RPA3: variants seen among roughly 807,000 people sequenced by gnomAD.
The protein encoded by RPA3 is replication protein A3.
A neutral mutation model predicts 13.7 loss-of-function variants in RPA3; 24 were observed. That is an observed-to-expected ratio of 1.75 (90% confidence interval 1.27 to 2.46). The LOEUF (loss-of-function observed/expected upper bound fraction) is 2.46. Ranked by LOEUF, RPA3 falls within the 30% of genes most tolerant of loss-of-function variation. RPA3 has a pLI of 0.00. For synonymous variants in RPA3, 59 were observed against 51.2 expected (o/e 1.15, Z -0.65); for missense variants, 183 against 151.0 (o/e 1.21, Z -1.11).
intron 4 of RPA3, among the ~76,000 whole-genome samples, chr7:7,680,164 C>T (rs549693149): frequency 3.8e-4 from 58 of 152,134 alleles, no homozygotes; most frequent in Middle Eastern, 3.4e-3. Context: ...CTAGTAGTTT[C>T]GTAGTTTCAG....
intron 4 of RPA3, among the ~76,000 whole-genome samples, chr7:7,683,643 C>A (rs761253217): frequency 6.7e-6 from 1 of 150,006 alleles, no homozygotes; most frequent in Non-Finnish European, 1.5e-5. Flanking sequence ...TTTTTTTAGA[C>A]GGAGTTTTTG....
At chr7:7,697,173 A>G (rs115853500) in intron 2 of RPA3, among the ~76,000 whole-genome samples, 1,558 of 152,272 alleles carry the variant, frequency 0.01, 26 homozygotes, top group African/African-American at 0.035. Flanking sequence ...ATCATAATCC[A>G]CTTCTTGATG....
At position 7,644,064 on chromosome 7, in the gene RPA3, A is replaced by C. The variant is rs564101399; in HGVS notation, c.-757-2889T>G. ...GGTACCAGTTTACTCTCTTACCTGG[A>C]GTATAAGACAGTTTACAGTTATTGT... On this transcript the variant is annotated intron_variant, in intron 4 of 7. Transcript: ENST00000223129. Among the ~76,000 whole-genome samples, 9 of 152,248 alleles carry C rather than the reference A, an allele frequency of 5.9e-5. No homozygotes were observed. The South Asian group carries it at 8.3e-4, about 14-fold the overall frequency.
At chr7:7,692,151 A>G (rs909537474) in intron 2 of RPA3, among the ~76,000 whole-genome samples, 1 of 152,098 alleles carries the variant, frequency 6.6e-6, no homozygotes, top group African/African-American at 2.4e-5. Flanking sequence ...TCTCGCACAC[A>G]TATCACCATC....
intron 4 of RPA3, among the ~76,000 whole-genome samples, chr7:7,669,783 G>A (rs139595734): frequency 1.3e-5 from 2 of 152,098 alleles, no homozygotes; most frequent in Non-Finnish European, 2.9e-5. Context: ...TAATAATTTC[G>A]GAACTGTCTG....
chr7:7,717,060 C>CTTTTTTTTTTTTTTTTTTTTTTT (rs766644906), intron 1 of RPA3, among the ~76,000 whole-genome samples: 1 of 141,604 alleles, frequency 7.1e-6, no homozygotes, highest in African/African-American at 2.6e-5. Context: ...TTCTTTTTTT[C>CTTTTTTTTTTTTTTTTTTTTTTT]TTTTTTTTTT....
At chr7:7,647,018 A>G (rs771785283) in intron 4 of RPA3, among the ~76,000 whole-genome samples, 10 of 152,188 alleles carry the variant, frequency 6.6e-5, no homozygotes, top group Admixed American at 1.3e-4. Flanking sequence ...TATCAGTTAC[A>G]CTAGTTTTGT....
intron 4 of RPA3, among the ~76,000 whole-genome samples, chr7:7,658,480 A>G (rs377284987): frequency 1.3e-5 from 2 of 152,142 alleles, no homozygotes; most frequent in African/African-American, 4.8e-5. Flanking sequence ...TTTGAGATAC[A>G]TTCCATCAAT....
In RPA3 at chr7:7,640,802, G is replaced by C. The variant is rs1306853279; in HGVS notation, c.-384C>G. 9.6e-6 allele frequency: 2 copies of C among 207,322 alleles called. No homozygotes were observed. The highest frequency in any genetic ancestry group is 2.3e-5 in the African/African-American group (1 of 42,668). 12.8% of individuals were successfully genotyped at this position (207,322 alleles called of 1,614,324 possible). On this transcript the variant is annotated 5_prime_UTR_variant, in exon 5 of 8. Coordinates refer to ENST00000223129, the MANE Select transcript of RPA3 (RefSeq NM_002947.5). Reference sequence around the variant, plus strand: ...AAGCTCCGGTGCTGGTGCGGCGGGGGACTGCGGGGCCAGCCTCAGGTACCT... The same window carrying C: ...AAGCTCCGGTGCTGGTGCGGCGGGGCACTGCGGGGCCAGCCTCAGGTACCT...
intron 2 of RPA3, among the ~76,000 whole-genome samples, chr7:7,710,072 C>G (rs574875695): frequency 6.6e-6 from 1 of 152,294 alleles, no homozygotes; most frequent in Non-Finnish European, 1.5e-5. Flanking sequence ...CAATTTGCCT[C>G]TCTCACTCAG....
intron 4 of RPA3, among the ~76,000 whole-genome samples, chr7:7,656,244 T>C (rs946965390): frequency 2.6e-5 from 4 of 151,984 alleles, no homozygotes; most frequent in Non-Finnish European, 4.4e-5. Flanking sequence ...GAAATACGAG[T>C]TGAAGGAGAA....
rs959722487 is a variant in RPA3 at position 7,673,513 on chromosome 7, T to C, written c.-758+12317A>G. ...ATTATGTTCTCTTTAAAAAATTACT[T>C]GAAAATTATATGATTGATTTTAAAT... On this transcript the variant is annotated intron_variant, in intron 4 of 7. Coordinates refer to ENST00000223129, the MANE Select transcript of RPA3 (RefSeq NM_002947.5). The C allele has an allele frequency of 7.4e-6, 5 of 672,078 alleles. No individual in the cohort carries two copies. In the African/African-American group the frequency reaches 9.0e-5, roughly 12 times the overall value. The allele number at this position is 672,078 out of a possible 1,614,324, so 41.6% of individuals were successfully genotyped here. A position where few individuals can be genotyped will look rare whatever the true frequency, so the allele number is the denominator to read the frequency against.
intron 2 of RPA3, among the ~76,000 whole-genome samples, chr7:7,696,867 C>T (rs1780332638): frequency 6.6e-6 from 1 of 151,586 alleles, no homozygotes; most frequent in Non-Finnish European, 1.5e-5. Context: ...CTGCCCTTTT[C>T]AGACATTCCT....
chr7:7,670,196 G>A (rs1052127496), intron 4 of RPA3, among the ~76,000 whole-genome samples: 2 of 152,134 alleles, frequency 1.3e-5, no homozygotes, highest in Admixed American at 6.6e-5. Context: ...AACTTTTGGG[G>A]TTGGAGAATG....
At chr7:7,704,598 G>GAAAAAA (rs35661728) in intron 2 of RPA3, among the ~76,000 whole-genome samples, 1 of 93,634 alleles carries the variant, frequency 1.1e-5, no homozygotes, top group African/African-American at 3.9e-5. Flanking sequence ...TACTAAAATA[G>GAAAAAA]AAAAAAAAAA....
intron 4 of RPA3, among the ~76,000 whole-genome samples, chr7:7,648,133 C>T (rs1181854073): frequency 1.3e-5 from 2 of 152,204 alleles, no homozygotes; most frequent in Admixed American, 1.3e-4. Flanking sequence ...CAGTGGGCTC[C>T]AGTGGCCTCC....
intron 4 of RPA3, among the ~76,000 whole-genome samples, chr7:7,646,081 C>T (rs1163594776): frequency 6.6e-6 from 1 of 152,062 alleles, no homozygotes; most frequent in Non-Finnish European, 1.5e-5. Flanking sequence ...TGTCTAGGGG[C>T]GTTACAGTGC....
intron 2 of RPA3, among the ~76,000 whole-genome samples, chr7:7,712,526 G>A (rs1283679944): frequency 3.9e-5 from 6 of 152,058 alleles, no homozygotes; most frequent in African/African-American, 7.2e-5. Context: ...GAAACATGTA[G>A]CTGATACTTG....
intron 2 of RPA3, among the ~76,000 whole-genome samples, chr7:7,689,888 C>G (rs1780133894): frequency 6.6e-6 from 1 of 152,106 alleles, no homozygotes; most frequent in South Asian, 2.1e-4. Context: ...TGATTAACAA[C>G]CATAGTAATT....
Sources: allele counts gnomAD v4.1 joint callset (sites outside exome capture counted in the v4.1 genomes callset), GRCh38; gene constraint gnomAD v4.1.1; transcripts MANE v1.5; gene names NCBI Gene and HGNC (gene_info 2026-07-23, HGNC 2026-07-21).